The following OSGIN2 variants were observed in gnomAD, a reference collection of about 807,000 sequenced individuals.
OSGIN2 encodes the protein oxidative stress induced growth inhibitor family member 2.
In OSGIN2, 19 loss-of-function variants were observed where a neutral mutation model predicts 53.8. The observed-to-expected ratio is 0.35, with a 90% confidence interval of 0.25 to 0.52. The LOEUF (loss-of-function observed/expected upper bound fraction) is 0.52, where lower values mean the gene tolerates loss of function less well. Ranked by LOEUF, OSGIN2 falls within the 20% of genes least tolerant of loss-of-function variation. The pLI is 0.95. For missense variants in OSGIN2, 520 were observed against 662.7 expected, an observed-to-expected ratio of 0.78 and a Z score of 2.36; for synonymous variants, 236 against 236.0, an observed-to-expected ratio of 1.00 and a Z score of 0.00.
chr8:89,902,694 C>A lies in OSGIN2; in HGVS notation c.-100C>A. The A allele has an allele frequency of 2.2e-6, 1 of 460,538 alleles. No homozygotes were observed. Among genetic ancestry groups the A allele is most frequent in the Non-Finnish European group, 2.9e-6 (1 of 346,108 alleles). The allele number at this position is 460,538 out of a possible 1,614,324, so 28.5% of individuals were successfully genotyped here. ...CGAGGCAGGGGCGCCCGGCAGACCC[C>A]GCGACCCCGAGCCAGCGGGCGCCCC... On this transcript the variant is annotated 5_prime_UTR_variant, in exon 1 of 6. Transcript: ENST00000451899.
intron 1 of OSGIN2, among the ~76,000 whole-genome samples, chr8:89,906,206 C>G (rs7002335): frequency 0.19 from 29,377 of 152,152 alleles, 5,304 homozygotes; most frequent in African/African-American, 0.46. Context: ...GGGGTGTCCA[C>G]TCTTTTTGCT....
intron 1 of OSGIN2, among the ~76,000 whole-genome samples, chr8:89,906,634 T>C (rs28764800): frequency 0.013 from 1,950 of 152,318 alleles, 41 homozygotes; most frequent in African/African-American, 0.044. Context: ...GGCTGTATAG[T>C]ATTCTATGGT....
chr8:89,909,293 G>T (rs1407284641), intron 1 of OSGIN2, among the ~76,000 whole-genome samples: 1 of 151,712 alleles, frequency 6.6e-6, no homozygotes, highest in Non-Finnish European at 1.5e-5. Flanking sequence ...TGCTGTCTTT[G>T]ATCATGAGAG....
In OSGIN2 at chr8:89,925,589, G is replaced by C. The variant is rs1809308481; in HGVS notation, c.*57G>C. 1 of 1,375,150 alleles carries C rather than the reference G, an allele frequency of 7.3e-7. No individual in the cohort carries two copies. Among genetic ancestry groups the C allele is most frequent in the Non-Finnish European group, 1.0e-6 (1 of 998,660 alleles). The allele number at this position is 1,375,150 out of a possible 1,614,324, so 85.2% of individuals were successfully genotyped here. A position where few individuals can be genotyped will look rare whatever the true frequency, so the allele number is the denominator to read the frequency against. The stretch of plus-strand genomic sequence containing the variant: ...TTGCCATTAAAGATTTTTAATAGTG[G>C]TTTTGCAGTGTACTGGCTTGAATTT... On this transcript the variant is annotated 3_prime_UTR_variant, in exon 6 of 6. Coordinates refer to ENST00000451899, the MANE Select transcript of OSGIN2 (RefSeq NM_001126111.3).
At chr8:89,918,468 C>T (rs563067871) in intron 4 of OSGIN2, among the ~76,000 whole-genome samples, 15 of 152,190 alleles carry the variant, frequency 9.9e-5, no homozygotes, top group Non-Finnish European at 1.5e-4. Flanking sequence ...CCAGCTGACT[C>T]TTGTTCTTTA....
chr8:89,907,833 A>G (rs1207315105), intron 1 of OSGIN2, among the ~76,000 whole-genome samples: 2 of 152,216 alleles, frequency 1.3e-5, no homozygotes, highest in Non-Finnish European at 2.9e-5. Flanking sequence ...CATTGTATCT[A>G]TAAATTGCTT....
At chr8:89,906,894 C>T (rs886897802) in intron 1 of OSGIN2, among the ~76,000 whole-genome samples, 3 of 152,132 alleles carry the variant, frequency 2.0e-5, no homozygotes, top group Admixed American at 2.0e-4. Context: ...CTCCCCCCAA[C>T]ATATAAGCAT....
chr8:89,907,281 A>AT (rs34726632), intron 1 of OSGIN2, among the ~76,000 whole-genome samples: 43,240 of 151,106 alleles, frequency 0.29, 6,338 homozygotes, highest in East Asian at 0.43. Flanking sequence ...CCATTTGTCA[A>AT]TTTTTTTTTG....
At chr8:89,916,802 C>G (rs1326427608) in intron 4 of OSGIN2, among the ~76,000 whole-genome samples, 1 of 152,184 alleles carries the variant, frequency 6.6e-6, no homozygotes, top group Non-Finnish European at 1.5e-5. Context: ...AAAGCTTACT[C>G]TTTCCTAAAG....
rs1267136141 is a variant in OSGIN2 at position 89,927,562 on chromosome 8, T to C, written c.*2030T>C. On this transcript the variant is annotated 3_prime_UTR_variant, in exon 6 of 6. Coordinates refer to ENST00000451899, the MANE Select transcript of OSGIN2 (RefSeq NM_001126111.3). ...GAAGGGAAGAATCACTAAATACTTG[T>C]CTAGTTATAGCATGATGTGAGCATC... 1 of 152,212 alleles carries C rather than the reference T, an allele frequency of 6.6e-6. No individual in the cohort carries two copies. The highest frequency in any genetic ancestry group is 6.5e-5 in the Admixed American group (1 of 15,284). The allele number at this position is 152,212 out of a possible 1,614,324, so 9.4% of individuals were successfully genotyped here.
In OSGIN2 at chr8:89,924,551, T is replaced by C. The variant is rs143163278; in HGVS notation, c.669T>C (p.Tyr223=). The part of the protein sequence containing the change: ...RVMPEEIARY[Y]KHYVKVMGLQ... ...TGCCAGAGGAAATAGCTCGCTACTA[T>C]AAACATTATGTAAAAGTCATGGGTC... The change falls in exon 6 of 6, where the codon TAT becomes TAC. Residue 223 remains tyrosine (Y), a synonymous_variant. Transcript: ENST00000451899. 5.6e-6 allele frequency: 9 copies of C among 1,613,720 alleles called. No individual in the cohort carries two copies. Among genetic ancestry groups the C allele is most frequent in the African/African-American group, 1.3e-5 (1 of 75,006 alleles).
intron 4 of OSGIN2, 24 bp from the exon 5 acceptor site, chr8:89,921,055 CA>C (rs1401988290): frequency 7.6e-7 from 1 of 1,314,052 alleles, no homozygotes; most frequent in Middle Eastern, 1.9e-4. Context: ...TTTGACGGTA[CA>C]TTTTTTTTTT....
chr8:89,904,120 A>G (rs1261628764), intron 1 of OSGIN2, among the ~76,000 whole-genome samples: 1 of 152,204 alleles, frequency 6.6e-6, no homozygotes, highest in African/African-American at 2.4e-5. Context: ...CATATAATAA[A>G]CTGCTTGATT....
In OSGIN2 at chr8:89,917,772, A is replaced by C. The variant is rs1424803000; in HGVS notation, c.528+3026A>C. On this transcript the variant is annotated intron_variant, in intron 4 of 5. Coordinates refer to ENST00000451899, the MANE Select transcript of OSGIN2 (RefSeq NM_001126111.3). The stretch of plus-strand genomic sequence containing the variant: ...ACCGAAAACTTACACATTGATGCAA[A>C]TTCTTTTTTTTTAATCCCCTGTTAT... 2.6e-5 allele frequency among the ~76,000 whole-genome samples: 4 copies of C among 152,176 alleles called. No homozygotes were observed. The South Asian group carries it at 8.3e-4, about 32-fold the overall frequency.
At chr8:89,918,939 A>G (rs1330946406) in intron 4 of OSGIN2, among the ~76,000 whole-genome samples, 1 of 152,156 alleles carries the variant, frequency 6.6e-6, no homozygotes, top group Non-Finnish European at 1.5e-5. Context: ...CCCTTTCTAA[A>G]TGGTTTTCTT....
At chr8:89,902,479 C>T (rs1449750713), upstream of OSGIN2, 1 of 152,822 alleles carries the variant, frequency 6.5e-6, no homozygotes, top group Non-Finnish European at 1.5e-5. Flanking sequence ...CGCAGCCGCA[C>T]CTGCGAGGAG....
Position 89,914,171 on chromosome 8 carries a change from T to C in OSGIN2, c.294T>C (p.Asn98=), listed in dbSNP as rs1287498901. ...CAATACACCCAAATACAATCTTAAA[T>C]AGTAAATTAGAAGAAGCAAGACATC... is the stretch of plus-strand genomic sequence containing the variant. ...SEAIHPNTIL[N]SKLEEARHLS... The change falls in exon 3 of 6, where the codon AAT becomes AAC. Residue 98 remains asparagine, a synonymous_variant. Coordinates refer to ENST00000451899, the MANE Select transcript of OSGIN2 (RefSeq NM_001126111.3). The C allele has an allele frequency of 6.2e-7, 1 of 1,602,604 alleles. No individual in the cohort carries two copies. The highest frequency in any genetic ancestry group is 1.1e-5 in the South Asian group (1 of 90,744).
chr8:89,909,245 T>C (rs1808916126), intron 1 of OSGIN2, among the ~76,000 whole-genome samples: 1 of 151,814 alleles, frequency 6.6e-6, no homozygotes, highest in Non-Finnish European at 1.5e-5. Context: ...TAGCCATTTC[T>C]AGGCTAGTTT....
chr8:89,905,708 C>T (rs929904608), intron 1 of OSGIN2, among the ~76,000 whole-genome samples: 1 of 152,162 alleles, frequency 6.6e-6, no homozygotes, highest in Non-Finnish European at 1.5e-5. Context: ...AAAATCAGAG[C>T]AGATTACCTA....
Sources: allele counts gnomAD v4.1 joint callset (sites outside exome capture counted in the v4.1 genomes callset), GRCh38; gene constraint gnomAD v4.1.1; transcripts MANE v1.5; gene names NCBI Gene and HGNC (gene_info 2026-07-23, HGNC 2026-07-21).